PTPRD: variants seen among roughly 807,000 people sequenced by gnomAD.
The protein encoded by PTPRD is receptor-type tyrosine-protein phosphatase delta.
Under a neutral mutation model 214.5 loss-of-function variants are expected in PTPRD, and 34 were observed. The observed-to-expected ratio is 0.16, with a 90% CI of 0.12 to 0.21. The LOEUF (loss-of-function observed/expected upper bound fraction) is 0.21. Ranked by LOEUF, PTPRD falls within the 10% of genes least tolerant of loss-of-function variation. PTPRD has a pLI of 1.00. For missense variants in PTPRD, 2,545 were observed against 2,398.7 expected, an observed-to-expected ratio of 1.06 and a Z score of -1.27; for synonymous variants, 1,128 against 845.7, an observed-to-expected ratio of 1.33 and a Z score of -5.79.
chr9:8,579,259 T>C (rs1003781762), intron 14 of PTPRD, among the ~76,000 whole-genome samples: 2 of 152,232 alleles, frequency 1.3e-5, no homozygotes, highest in Non-Finnish European at 2.9e-5. Context: ...TTCTTCATAA[T>C]ACAAAAGCTT....
intron 5 of PTPRD, among the ~76,000 whole-genome samples, chr9:9,924,725 G>C (rs1255202657): frequency 1.3e-5 from 2 of 151,964 alleles, no homozygotes; most frequent in African/African-American, 4.8e-5. Context: ...ATTGTCCTTC[G>C]TATCTCTAAA....
At chr9:9,719,000 C>T (rs1406477201) in intron 7 of PTPRD, among the ~76,000 whole-genome samples, 1 of 152,126 alleles carries the variant, frequency 6.6e-6, no homozygotes, top group Non-Finnish European at 1.5e-5. Context: ...AGCCTGGGGG[C>T]CAGGATGCCA....
At chr9:10,443,904 A>AT (rs111951834) in intron 2 of PTPRD, among the ~76,000 whole-genome samples, 12,776 of 149,352 alleles carry the variant, frequency 0.086, 896 homozygotes, top group African/African-American at 0.18. Context: ...CCTAGAATTC[A>AT]TTTTTTTTTC....
At chr9:9,860,542 C>T (rs974677282) in intron 5 of PTPRD, among the ~76,000 whole-genome samples, 9 of 152,118 alleles carry the variant, frequency 5.9e-5, no homozygotes, top group Non-Finnish European at 8.8e-5. Flanking sequence ...GTTGCCCATT[C>T]GTTCTCTGCT....
At chr9:8,521,651 T>A in intron 19 of PTPRD, 105 bp from the exon 20 acceptor site, 1 of 1,332,098 alleles carries the variant, frequency 7.5e-7, no homozygotes. Flanking sequence ...AATTGAAACA[T>A]TGTGGATTGT....
intron 5 of PTPRD, among the ~76,000 whole-genome samples, chr9:9,922,583 G>C (rs1427976741): frequency 6.6e-6 from 1 of 152,072 alleles, no homozygotes; most frequent in African/African-American, 2.4e-5. Flanking sequence ...TATAATCAAA[G>C]AACAGGGAAA....
rs1245284728 is a variant in PTPRD at position 10,231,989 on chromosome 9, A to AGAGAGAGAGAGAGAGT, written c.-545+108973_-545+108974insACTCTCTCTCTCTCTC. Among the ~76,000 whole-genome samples, 85 of 92,476 alleles carry AGAGAGAGAGAGAGAGT rather than the reference A, an allele frequency of 9.2e-4. 1 individual carries two copies. The highest frequency in any genetic ancestry group is 4.3e-3 in the African/African-American group (81 of 18,942). 60.7% of individuals were successfully genotyped at this position (92,476 alleles called of 152,430 possible). A position where few individuals can be genotyped will look rare whatever the true frequency, so the allele number is the denominator to read the frequency against. ...GAGAGAGAGAGAGAGAGAGAGAGAGAGTGTGTGTGTGTGTGTGTGTGTGTG... is the reference window on the plus strand; with the variant it reads ...GAGAGAGAGAGAGAGAGAGAGAGAGAGAGAGAGAGAGAGAGTGTGTGTGTGTGTGTGTGTGTGTGTG... On this transcript the variant is annotated intron_variant, in intron 3 of 45. Coordinates refer to ENST00000381196, the MANE Select transcript of PTPRD (RefSeq NM_002839.4).
At chr9:8,346,170 C>G (rs1464976872) in intron 39 of PTPRD, among the ~76,000 whole-genome samples, 1 of 148,926 alleles carries the variant, frequency 6.7e-6, no homozygotes, top group African/African-American at 2.4e-5. Context: ...TGCCTCTTAC[C>G]CTGCAAAATA....
chr9:10,482,990 G>A (rs554240673), intron 2 of PTPRD, among the ~76,000 whole-genome samples: 1 of 152,088 alleles, frequency 6.6e-6, no homozygotes, highest in African/African-American at 2.4e-5. Flanking sequence ...GCAATCCTAA[G>A]CAAAAAGAAC....
chr9:8,325,479 G>C (rs1035985733), intron 44 of PTPRD, among the ~76,000 whole-genome samples: 1 of 149,036 alleles, frequency 6.7e-6, no homozygotes, highest in South Asian at 2.2e-4. Flanking sequence ...GTACCATGCT[G>C]TTTTGGTTAC....
intron 7 of PTPRD, among the ~76,000 whole-genome samples, chr9:9,719,797 G>C (rs1186005666): frequency 6.6e-6 from 1 of 152,164 alleles, no homozygotes; most frequent in Non-Finnish European, 1.5e-5. Flanking sequence ...ACGCTTTCAG[G>C]CGCACTGCAT....
intron 5 of PTPRD, among the ~76,000 whole-genome samples, chr9:9,903,982 G>A (rs945647245): frequency 1.2e-4 from 19 of 152,224 alleles, no homozygotes; most frequent in African/African-American, 4.6e-4. Flanking sequence ...TTGGGTCAAA[G>A]CCCCTGCTTC....
rs10977285 is a variant in PTPRD at position 8,761,025 on chromosome 9, G to A, written c.-103-27079C>T. ...TTTTTCACTAAAAGGTTTATAATTTGGGGCAAGAAGGACACCAAGCTTTTT... is the reference window on the plus strand; with the variant it reads ...TTTTTCACTAAAAGGTTTATAATTTAGGGCAAGAAGGACACCAAGCTTTTT... On this transcript the variant is annotated intron_variant, in intron 11 of 45. Coordinates refer to ENST00000381196, the MANE Select transcript of PTPRD (RefSeq NM_002839.4). 1.4e-4 allele frequency among the ~76,000 whole-genome samples: 22 copies of A among 152,172 alleles called. No homozygotes were observed. The East Asian group carries it at 4.3e-3, about 29-fold the overall frequency.
At chr9:9,799,024 C>T (rs942343039) in intron 5 of PTPRD, among the ~76,000 whole-genome samples, 2 of 152,114 alleles carry the variant, frequency 1.3e-5, no homozygotes, top group African/African-American at 2.4e-5. Context: ...AACGTAACAT[C>T]AGAACATTAT....
intron 3 of PTPRD, among the ~76,000 whole-genome samples, chr9:10,122,912 C>T (rs967735133): frequency 6.6e-6 from 1 of 152,178 alleles, no homozygotes; most frequent in African/African-American, 2.4e-5. Flanking sequence ...AGCCTGGAAA[C>T]AGATATAAAA....
intron 6 of PTPRD, among the ~76,000 whole-genome samples, chr9:9,755,279 A>G (rs2098557174): frequency 6.6e-6 from 1 of 152,044 alleles, no homozygotes; most frequent in Non-Finnish European, 1.5e-5. Flanking sequence ...CTTTAAAATC[A>G]CTGAGTATGC....
At chr9:9,475,799 T>A (rs1025370116) in intron 8 of PTPRD, among the ~76,000 whole-genome samples, 1 of 152,204 alleles carries the variant, frequency 6.6e-6, no homozygotes, top group Non-Finnish European at 1.5e-5. Context: ...TGTGTGTGAC[T>A]TGGCAATCTG....
intron 14 of PTPRD, among the ~76,000 whole-genome samples, chr9:8,577,133 C>G (rs1416041842): frequency 6.6e-6 from 1 of 152,198 alleles, no homozygotes; most frequent in Non-Finnish European, 1.5e-5. Flanking sequence ...CCACCATGAC[C>G]TGTACTCCAG....
chr9:8,691,076 A>G (rs1338236318), intron 12 of PTPRD, among the ~76,000 whole-genome samples: 1 of 152,110 alleles, frequency 6.6e-6, no homozygotes, highest in Admixed American at 6.5e-5. Flanking sequence ...TTGTAAACTA[A>G]GAATGAGAAG....
Sources: allele counts gnomAD v4.1 joint callset (sites outside exome capture counted in the v4.1 genomes callset), GRCh38; gene constraint gnomAD v4.1.1; transcripts MANE v1.5; gene names NCBI Gene and HGNC (gene_info 2026-07-23, HGNC 2026-07-21).